KIF23: variants seen among roughly 807,000 people sequenced by gnomAD.
KIF23 encodes kinesin family member 23.
In KIF23, 30 loss-of-function variants were observed where a neutral mutation model predicts 137.5. The observed-to-expected ratio is 0.22, with a 90% CI of 0.16 to 0.30. KIF23 has a LOEUF of 0.30. KIF23 is among the 10% of genes least tolerant of loss of function. The pLI is 1.00. For missense variants in KIF23, 920 were observed against 1,194.3 expected, an observed-to-expected ratio of 0.77 and a Z score of 3.38; for synonymous variants, 367 against 391.1, an observed-to-expected ratio of 0.94 and a Z score of 0.73.
intron 7 of KIF23, among the ~76,000 whole-genome samples, chr15:69,424,908 C>T (rs2057151094): frequency 6.6e-6 from 1 of 152,124 alleles, no homozygotes; most frequent in Admixed American, 6.5e-5. Flanking sequence ...CATGTATGCT[C>T]GTGTGCCAAC....
intron 5 of KIF23, 60 bp from the exon 6 acceptor site, chr15:69,422,256 ATATTTCTTAC>A: frequency 6.8e-7 from 1 of 1,460,880 alleles, no homozygotes; most frequent in Non-Finnish European, 9.4e-7. Context: ...GTTTTTAAAC[ATATTTCTTAC>A]TATTTAAGTT....
chr15:69,439,505 T>G (rs1403353945), intron 16 of KIF23, among the ~76,000 whole-genome samples: 1 of 152,190 alleles, frequency 6.6e-6, no homozygotes, highest in African/African-American at 2.4e-5. Flanking sequence ...TTGGGAAGCA[T>G]TGCAGCACTG....
intron 23 of KIF23, 154 bp downstream of exon 23, chr15:69,447,095 C>G: frequency 1.4e-6 from 1 of 692,716 alleles, no homozygotes; most frequent in Non-Finnish European, 2.6e-6. Context: ...CATGGGCAGA[C>G]TGCAGTAGGC....
rs183350283 is a variant in KIF23 at position 69,447,082 on chromosome 15, C to T, written c.2909+141C>T. The T allele has an allele frequency of 2.6e-4, 198 of 754,312 alleles. 1 individual carries two copies. Among genetic ancestry groups the T allele is most frequent in the East Asian group, 5.1e-4 (19 of 37,480 alleles). The allele number at this position is 754,312 out of a possible 1,614,324, so 46.7% of individuals were successfully genotyped here. ...GGTTTTCCCCTTGGACTATCTGGGC[C>T]TCCATGGGCAGACTGCAGTAGGCAG... On this transcript the variant is annotated intron_variant, in intron 23 of 23. Coordinates refer to ENST00000679126, the MANE Select transcript of KIF23 (RefSeq NM_001367805.3).
intron 3 of KIF23, among the ~76,000 whole-genome samples, chr15:69,418,959 A>G (rs2056984533): frequency 6.6e-6 from 1 of 152,182 alleles, no homozygotes; most frequent in African/African-American, 2.4e-5. Flanking sequence ...TCTACTAAAA[A>G]TACAAAAATT....
At chr15:69,436,105 T>C in intron 13 of KIF23, 33 bp from the exon 14 acceptor site, 1 of 1,596,336 alleles carries the variant, frequency 6.3e-7, no homozygotes. Context: ...ATATCCTTAT[T>C]TTTTTTTAAA....
chr15:69,430,288 A>G (rs2057324465), intron 11 of KIF23, among the ~76,000 whole-genome samples: 1 of 152,160 alleles, frequency 6.6e-6, no homozygotes, highest in East Asian at 1.9e-4. Context: ...TATATGTTAT[A>G]TTTTGATAGA....
intron 7 of KIF23, among the ~76,000 whole-genome samples, chr15:69,424,436 T>C (rs1319738230): frequency 6.6e-6 from 1 of 152,252 alleles, no homozygotes; most frequent in Non-Finnish European, 1.5e-5. Flanking sequence ...GACCTATCTA[T>C]ATTTACCCTT....
intron 1 of KIF23, among the ~76,000 whole-genome samples, chr15:69,415,648 G>A (rs751142629): frequency 6.6e-6 from 1 of 152,146 alleles, no homozygotes; most frequent in Non-Finnish European, 1.5e-5. Context: ...GAAGTTAATC[G>A]CTTGTCAGTC....
Position 69,446,951 on chromosome 15 carries a change from G to C in KIF23, c.2909+10G>C, listed in dbSNP as rs2057753321. The C allele has an allele frequency of 6.2e-7, 1 of 1,612,790 alleles. No homozygotes were observed. Among genetic ancestry groups the C allele is most frequent in the Non-Finnish European group, 8.5e-7 (1 of 1,178,842 alleles). On this transcript the variant is annotated intron_variant, in intron 23 of 23. Transcript: ENST00000679126. ...ATCACGCACAACCCAAGTGAGTACT[G>C]ACTGTAATTGGGGTCTTGCTGTGTG...
rs531924239 is a variant in KIF23, at chr15:69,440,792, A to T, written c.2134A>T (p.Ile712Phe). ...VPLSSNYIAQ[I>F]SNGQQLMSQP... ...GCTTTCTAGTAACTATATTGCTCAG[A>T]TTTCCAACGGCCAGCAACTCATGAG... The change falls in exon 19 of 24, where the codon ATT (isoleucine) becomes TTT (phenylalanine). Residue 712 changes from isoleucine to phenylalanine, a missense_variant. Physicochemically the swap from Ile to Phe is conservative, Grantham distance 21. Coordinates refer to ENST00000679126, the MANE Select transcript of KIF23 (RefSeq NM_001367805.3). The T allele has an allele frequency of 1.1e-5, 18 of 1,610,740 alleles. No homozygotes were observed. In the African/African-American group the frequency reaches 2.0e-4, roughly 18 times the overall value.
intron 7 of KIF23, among the ~76,000 whole-genome samples, chr15:69,424,487 G>C (rs143329038): frequency 2.0e-5 from 3 of 152,180 alleles, no homozygotes; most frequent in African/African-American, 7.2e-5. Context: ...TTAGGTTGTG[G>C]AGCAATACAT....
chr15:69,427,171 A>G (rs1005239074), intron 10 of KIF23, among the ~76,000 whole-genome samples: 2 of 152,172 alleles, frequency 1.3e-5, no homozygotes, highest in African/African-American at 4.8e-5. Flanking sequence ...TAGAACTTTA[A>G]AAAGTGTATG....
chr15:69,420,557 C>T (rs146526551), intron 3 of KIF23, among the ~76,000 whole-genome samples: 19 of 152,234 alleles, frequency 1.2e-4, no homozygotes, highest in Non-Finnish European at 1.8e-4. Context: ...TCTTAAAGGT[C>T]ACAATTTATT....
At chr15:69,420,351 G>C (rs1247403657) in intron 3 of KIF23, among the ~76,000 whole-genome samples, 1 of 152,156 alleles carries the variant, frequency 6.6e-6, no homozygotes, top group Non-Finnish European at 1.5e-5. Flanking sequence ...TTTCACCTTC[G>C]GGCCTCAGTT....
Position 69,414,430 on chromosome 15 carries a change from C to T in KIF23, c.-36C>T, listed in dbSNP as rs765034982. 8 of 1,578,178 alleles carry T rather than the reference C, an allele frequency of 5.1e-6. No individual in the cohort carries two copies. The highest frequency in any genetic ancestry group is 2.3e-5 in the East Asian group (1 of 43,112). On this transcript the variant is annotated 5_prime_UTR_variant, in exon 1 of 24. Coordinates refer to ENST00000679126, the MANE Select transcript of KIF23 (RefSeq NM_001367805.3). ...CCGCAGTCTTCGCCAGCCAGCCGTCCCGCATGCGCGTTTGGGCGGCGTGGA... is the reference window on the plus strand; with the variant it reads ...CCGCAGTCTTCGCCAGCCAGCCGTCTCGCATGCGCGTTTGGGCGGCGTGGA...
chr15:69,441,910 C>T (rs1280837899), intron 19 of KIF23, among the ~76,000 whole-genome samples: 2 of 151,874 alleles, frequency 1.3e-5, no homozygotes, highest in African/African-American at 2.4e-5. Flanking sequence ...GCTGAGATTA[C>T]GGGCAGGCCA....
At chr15:69,433,698 C>T (rs1475646553) in intron 11 of KIF23, among the ~76,000 whole-genome samples, 1 of 151,914 alleles carries the variant, frequency 6.6e-6, no homozygotes, top group African/African-American at 2.4e-5. Context: ...GGATCTGCTG[C>T]CTTAGAGAAT....
intron 15 of KIF23, among the ~76,000 whole-genome samples, chr15:69,437,611 C>A (rs2057515058): frequency 6.6e-6 from 1 of 151,910 alleles, no homozygotes; most frequent in African/African-American, 2.4e-5. Flanking sequence ...TAGGTGCACA[C>A]CACCACGCCC....
Sources: gnomAD v4.1 joint callset for allele counts (sites outside exome capture counted in the v4.1 genomes callset) on GRCh38, gnomAD v4.1.1 for gene constraint, MANE v1.5 for transcripts, NCBI Gene and HGNC (gene_info 2026-07-23, HGNC 2026-07-21) for gene names.